The following CTNNA3 variants were observed in gnomAD, a reference collection of about 807,000 sequenced individuals.
CTNNA3 encodes catenin alpha 3, also known as catenin alpha-3.
A neutral mutation model predicts 95.7 loss-of-function variants in CTNNA3; 76 were observed. The observed-to-expected ratio is 0.79, with a 90% CI of 0.66 to 0.96. CTNNA3 has a LOEUF of 0.96. Among genes scored for constraint, CTNNA3 ranks in the 40% least tolerant of loss-of-function variants. CTNNA3 has a pLI of 0.00. For missense variants in CTNNA3, 1,191 were observed against 1,089.8 expected (o/e 1.09, Z -1.31); for synonymous variants, 431 against 374.4 (o/e 1.15, Z -1.74).
intron 5 of CTNNA3, among the ~76,000 whole-genome samples, chr10:67,515,403 C>T (rs1258245993): frequency 6.6e-6 from 1 of 152,190 alleles, no homozygotes; most frequent in Admixed American, 6.5e-5. Context: ...TGTAACATCA[C>T]ATTCTTTTCT....
intron 9 of CTNNA3, among the ~76,000 whole-genome samples, chr10:66,690,054 G>C (rs971238138): frequency 9.9e-5 from 15 of 152,102 alleles, no homozygotes. Context: ...ATTAGGCCCA[G>C]AGAAATTTGG....
chr10:67,096,565 G>C (rs1858006742), intron 7 of CTNNA3, among the ~76,000 whole-genome samples: 1 of 151,830 alleles, frequency 6.6e-6, no homozygotes, highest in Admixed American at 6.6e-5. Flanking sequence ...ATTAAACCAA[G>C]ATCAGGACTG....
At chr10:66,928,470 A>G (rs1171823362) in intron 7 of CTNNA3, 4 of 1,565,874 alleles carry the variant, frequency 2.6e-6, no homozygotes, top group Admixed American at 4.0e-5. Context: ...CCATTGTGAT[A>G]AAAAGAGCTC....
intron 8 of CTNNA3, among the ~76,000 whole-genome samples, chr10:66,772,250 C>T (rs538651567): frequency 0.046 from 6,946 of 151,762 alleles, 569 homozygotes; most frequent in African/African-American, 0.16. Flanking sequence ...ATGGTGAAAC[C>T]CTGTCTCTAC....
intron 5 of CTNNA3, among the ~76,000 whole-genome samples, chr10:67,286,653 C>CA (rs922769313): frequency 6.6e-6 from 1 of 151,902 alleles, no homozygotes; most frequent in Non-Finnish European, 1.5e-5. Flanking sequence ...AATTGGTACC[C>CA]AAAAAAATCA....
At chr10:67,464,501 T>A (rs1847506413) in intron 5 of CTNNA3, among the ~76,000 whole-genome samples, 1 of 152,182 alleles carries the variant, frequency 6.6e-6, no homozygotes, top group Non-Finnish European at 1.5e-5. Flanking sequence ...GTCATTTTAT[T>A]GGAAGAGCAG....
intron 5 of CTNNA3, among the ~76,000 whole-genome samples, chr10:67,481,785 G>C (rs915610771): frequency 6.6e-6 from 1 of 152,244 alleles, no homozygotes; most frequent in Middle Eastern, 3.4e-3. Context: ...GGCTTTTGTT[G>C]TCATTGCTTT....
intron 9 of CTNNA3, among the ~76,000 whole-genome samples, chr10:66,721,135 A>G (rs1848615808): frequency 6.6e-6 from 1 of 152,162 alleles, no homozygotes; most frequent in Non-Finnish European, 1.5e-5. Context: ...GGCTAGAGTG[A>G]GAGTTCAGAT....
chr10:66,488,063 AAAGT>A (rs1429041865), intron 11 of CTNNA3, among the ~76,000 whole-genome samples: 1 of 152,160 alleles, frequency 6.6e-6, no homozygotes, highest in Non-Finnish European at 1.5e-5. Context: ...TATACTTTAA[AAAGT>A]TTCCCTTCGA....
chr10:66,795,697 C>T (rs748993867), intron 7 of CTNNA3, among the ~76,000 whole-genome samples: 10 of 152,236 alleles, frequency 6.6e-5, no homozygotes, highest in African/African-American at 1.4e-4. Context: ...TCCTAGAAGG[C>T]GTCTTCTTCC....
chr10:66,475,210 C>T (rs552061998), intron 11 of CTNNA3, among the ~76,000 whole-genome samples: 2 of 152,098 alleles, frequency 1.3e-5, no homozygotes, highest in South Asian at 4.1e-4. Flanking sequence ...AACTGGATAT[C>T]CACATACAGA....
intron 1 of CTNNA3, among the ~76,000 whole-genome samples, chr10:67,730,750 A>G (rs1841269474): frequency 6.6e-6 from 1 of 152,196 alleles, no homozygotes; most frequent in Non-Finnish European, 1.5e-5. Context: ...ATATTTAAAT[A>G]TAATGAGAGA....
At chr10:67,045,913 A>G (rs2133165143) in intron 7 of CTNNA3, among the ~76,000 whole-genome samples, 1 of 152,360 alleles carries the variant, frequency 6.6e-6, no homozygotes, top group Non-Finnish European at 1.5e-5. Flanking sequence ...TACTGGAAGA[A>G]AAATGCACAA....
At chr10:66,227,039 C>T (rs528779309) in intron 13 of CTNNA3, among the ~76,000 whole-genome samples, 1 of 151,822 alleles carries the variant, frequency 6.6e-6, no homozygotes, top group African/African-American at 2.4e-5. Context: ...GTTGGATATA[C>T]TTTTTTAAAG....
chr10:65,967,558 C>A (rs1380773621), intron 16 of CTNNA3, among the ~76,000 whole-genome samples: 1 of 152,086 alleles, frequency 6.6e-6, no homozygotes, highest in East Asian at 1.9e-4. Flanking sequence ...CTGTTACAGA[C>A]AAAGGAAATT....
intron 7 of CTNNA3, among the ~76,000 whole-genome samples, chr10:66,971,080 A>G (rs1230518806): frequency 6.6e-6 from 1 of 152,164 alleles, no homozygotes; most frequent in Non-Finnish European, 1.5e-5. Flanking sequence ...AAAAAAATGA[A>G]AATGTATCTA....
intron 14 of CTNNA3, among the ~76,000 whole-genome samples, chr10:66,097,736 AGG>A (rs2081453583): frequency 6.6e-6 from 1 of 152,156 alleles, no homozygotes; most frequent in Admixed American, 6.6e-5. Flanking sequence ...GGTAAGTTTG[AGG>A]AACGTTCAGC....
At chr10:66,933,053 G>A (rs1414887470) in intron 7 of CTNNA3, among the ~76,000 whole-genome samples, 3 of 152,194 alleles carry the variant, frequency 2.0e-5, no homozygotes, top group Non-Finnish European at 4.4e-5. Context: ...AGGACGAAAT[G>A]TGAAAAGTAC....
At chr10:67,519,533 A>T (rs1839919745) in intron 5 of CTNNA3, among the ~76,000 whole-genome samples, 1 of 152,202 alleles carries the variant, frequency 6.6e-6, no homozygotes. Context: ...ATTGCCTATA[A>T]TCTGAGGTCA....
Sources: allele counts gnomAD v4.1 joint callset (sites outside exome capture counted in the v4.1 genomes callset), GRCh38; gene constraint gnomAD v4.1.1; transcripts MANE v1.5; gene names NCBI Gene and HGNC (gene_info 2026-07-23, HGNC 2026-07-21).